DIP2C: variants seen among roughly 807,000 people sequenced by gnomAD.
The protein encoded by DIP2C is disco-interacting protein 2 homolog C.
Under a neutral mutation model 192.4 loss-of-function variants are expected in DIP2C, and 33 were observed. That is an observed-to-expected ratio of 0.17 (90% CI 0.13 to 0.23). The LOEUF (loss-of-function observed/expected upper bound fraction) is 0.23, where lower values mean the gene tolerates loss of function less well. Ranked by LOEUF, DIP2C falls within the 10% of genes least tolerant of loss-of-function variation. DIP2C has a pLI of 1.00. For synonymous variants in DIP2C, 979 were observed against 864.1 expected, an observed-to-expected ratio of 1.13 and a Z score of -2.33; for missense variants, 1,537 against 2,110.1, an observed-to-expected ratio of 0.73 and a Z score of 5.32.
At chr10:435,454 C>G (rs1028189002) in intron 4 of DIP2C, among the ~76,000 whole-genome samples, 1 of 152,210 alleles carries the variant, frequency 6.6e-6, no homozygotes, top group Non-Finnish European at 1.5e-5. Flanking sequence ...TATGCACAGG[C>G]CTCCTGGACG....
At chr10:387,859 C>T (rs1963109151) in intron 13 of DIP2C, 50 bp from the exon 14 acceptor site, 3 of 1,584,500 alleles carry the variant, frequency 1.9e-6, no homozygotes, top group Non-Finnish European at 2.6e-6. Context: ...AGGGCGGCAA[C>T]AGATCAAAAT....
chr10:482,183 G>A (rs1272869706), intron 2 of DIP2C, among the ~76,000 whole-genome samples: 2 of 152,144 alleles, frequency 1.3e-5, no homozygotes, highest in Non-Finnish European at 2.9e-5. Flanking sequence ...GCAGCGGCAT[G>A]GCTGTCGGGA....
chr10:611,737 C>T (rs187138199), intron 1 of DIP2C, among the ~76,000 whole-genome samples: 1 of 152,326 alleles, frequency 6.6e-6, no homozygotes, highest in Non-Finnish European at 1.5e-5. Context: ...GAAAGCAGTG[C>T]CATGAGAGCA....
At chr10:508,047 C>T (rs1337096675) in intron 1 of DIP2C, among the ~76,000 whole-genome samples, 1 of 152,188 alleles carries the variant, frequency 6.6e-6, no homozygotes, top group African/African-American at 2.4e-5. Context: ...CTGCCCTTCC[C>T]TCCCTTTCCA....
chr10:304,567 ACACAC>A (rs779713245), intron 32 of DIP2C, among the ~76,000 whole-genome samples: 6,925 of 152,168 alleles, frequency 0.046, 241 homozygotes, highest in Middle Eastern at 0.11. Flanking sequence ...ACACACACAC[ACACAC>A]ACTTCCACAT....
At chr10:573,111 GAATT>G (rs1297639849) in intron 1 of DIP2C, among the ~76,000 whole-genome samples, 1 of 152,098 alleles carries the variant, frequency 6.6e-6, no homozygotes, top group Admixed American at 6.5e-5. Flanking sequence ...GCATGTAAGT[GAATT>G]ATTTGGGAGT....
intron 1 of DIP2C, among the ~76,000 whole-genome samples, chr10:508,186 A>ACACC (rs1157667881): frequency 2.0e-5 from 3 of 152,048 alleles, no homozygotes; most frequent in African/African-American, 7.2e-5. Flanking sequence ...TCAGTCACTT[A>ACACC]CACCCTCATT....
chr10:541,034 CCACAACACCCGATGCTGGGG>C, intron 1 of DIP2C, among the ~76,000 whole-genome samples: 1 of 140,832 alleles, frequency 7.1e-6, no homozygotes, highest in Non-Finnish European at 1.5e-5. Flanking sequence ...TGCTGGGGAG[CCACAACACCCGATGCTGGGG>C]AGCCACAACA....
intron 1 of DIP2C, among the ~76,000 whole-genome samples, chr10:657,147 G>A (rs1856397544): frequency 6.6e-6 from 1 of 151,338 alleles, no homozygotes; most frequent in Non-Finnish European, 1.5e-5. Context: ...ACCTGCCACT[G>A]GACCTGACGC....
intron 1 of DIP2C, among the ~76,000 whole-genome samples, chr10:605,123 G>A (rs1454752480): frequency 1.3e-5 from 2 of 152,168 alleles, no homozygotes; most frequent in Non-Finnish European, 2.9e-5. Flanking sequence ...CAGCTGCCGC[G>A]ATGCCGTGAG....
intron 1 of DIP2C, among the ~76,000 whole-genome samples, chr10:492,510 A>C (rs1488652597): frequency 6.6e-6 from 1 of 152,204 alleles, no homozygotes; most frequent in African/African-American, 2.4e-5. Flanking sequence ...GGATTCATAC[A>C]TTCACCTGAG....
At chr10:487,489 CACGGAACACAAGGCTG>C (rs1844097008) in intron 1 of DIP2C, among the ~76,000 whole-genome samples, 1 of 151,860 alleles carries the variant, frequency 6.6e-6, no homozygotes, top group Admixed American at 6.6e-5. Flanking sequence ...TCGTCTCCCC[CACGGAACACAAGGCTG>C]ACGTCTCAAC....
chr10:395,100 G>T (rs1449243438), intron 10 of DIP2C, among the ~76,000 whole-genome samples: 2 of 115,936 alleles, frequency 1.7e-5, no homozygotes, highest in Admixed American at 9.5e-5. Context: ...GAGGGCTGGG[G>T]GGGAGGGAGG....
At chr10:413,849 C>T in intron 8 of DIP2C, 64 bp downstream of exon 8, 1 of 1,558,688 alleles carries the variant, frequency 6.4e-7, no homozygotes, top group Non-Finnish European at 8.7e-7. Flanking sequence ...CACTGAGTTT[C>T]CTGCGTTCGG....
chr10:414,739 G>GTGTGTATATATATATA, intron 7 of DIP2C, among the ~76,000 whole-genome samples: 2,418 of 90,406 alleles, frequency 0.027, 164 homozygotes, highest in South Asian at 0.034. Context: ...GTGTGTGTGT[G>GTGTGTATATATATATA]TACATATATA....
rs1389389288 is a variant in DIP2C at position 608,131 on chromosome 10, ACACACACACAGCCCCCC to A, written c.85+81346_85+81362del. 3.8e-4 allele frequency among the ~76,000 whole-genome samples: 38 copies of A among 100,554 alleles called. 2 individuals carry two copies. Among genetic ancestry groups the A allele is most frequent in the Admixed American group, 7.2e-4 (8 of 11,096 alleles). 66.0% of individuals were successfully genotyped at this position (100,554 alleles called of 152,430 possible). On this transcript the variant is annotated intron_variant, in intron 1 of 36. Coordinates refer to ENST00000280886, the MANE Select transcript of DIP2C (RefSeq NM_014974.3). ...CACACACACCACACACACAGCCCCA[ACACACACACAGCCCCCC>A]CACACACACCCCCACAGCCCCCCCC...
chr10:534,029 T>C (rs748954259), intron 1 of DIP2C, among the ~76,000 whole-genome samples: 48 of 151,212 alleles, frequency 3.2e-4, no homozygotes, highest in Non-Finnish European at 6.6e-4. Context: ...AACGTTCTAT[T>C]TATCAATGGA....
intron 1 of DIP2C, among the ~76,000 whole-genome samples, chr10:532,075 C>G (rs1460413490): frequency 6.6e-6 from 1 of 152,142 alleles, no homozygotes; most frequent in East Asian, 1.9e-4. Flanking sequence ...GCCATAAATC[C>G]TAGAAGTGAC....
At chr10:401,554 TAC>T in intron 9 of DIP2C, among the ~76,000 whole-genome samples, 1 of 96,496 alleles carries the variant, frequency 1.0e-5, no homozygotes, top group Non-Finnish European at 2.1e-5. Context: ...ACAAGTTTGG[TAC>T]ATTTTCATCA....
Sources: gnomAD v4.1 joint callset for allele counts (sites outside exome capture counted in the v4.1 genomes callset) on GRCh38, gnomAD v4.1.1 for gene constraint, MANE v1.5 for transcripts, NCBI Gene and HGNC (gene_info 2026-07-23, HGNC 2026-07-21) for gene names.